KCND2: variants seen among roughly 807,000 people sequenced by gnomAD.
KCND2 encodes potassium voltage-gated channel subfamily D member 2.
KCND2 carries 16 observed loss-of-function variants against 54.4 expected under a neutral mutation model. That is an observed-to-expected ratio of 0.29 (90% CI 0.20 to 0.45). KCND2 has a LOEUF of 0.45. KCND2 is among the 20% of genes least tolerant of loss of function. The probability of loss-of-function intolerance (pLI) is 1.00; values close to 1 mark genes in which losing one functional copy is unlikely to be tolerated. For missense variants in KCND2, 486 were observed against 824.2 expected, an observed-to-expected ratio of 0.59 and a Z score of 5.02; for synonymous variants, 317 against 310.7, an observed-to-expected ratio of 1.02 and a Z score of -0.21.
intron 1 of KCND2, among the ~76,000 whole-genome samples, chr7:120,319,744 C>A (rs1175138964): frequency 6.6e-6 from 1 of 152,040 alleles, no homozygotes; most frequent in South Asian, 2.1e-4. Context: ...ACTAAAGATA[C>A]AATTTAATGT....
chr7:120,627,036 C>T (rs1166570409), intron 1 of KCND2, among the ~76,000 whole-genome samples: 2 of 152,154 alleles, frequency 1.3e-5, no homozygotes, highest in African/African-American at 2.4e-5. Context: ...CCCATTTGTG[C>T]ACAGTATGGT....
intron 1 of KCND2, among the ~76,000 whole-genome samples, chr7:120,581,252 C>T (rs573988849): frequency 5.9e-4 from 90 of 152,300 alleles, no homozygotes; most frequent in African/African-American, 1.9e-3. Flanking sequence ...GAATGTTCCT[C>T]TCTCTAAAAG....
intron 1 of KCND2, among the ~76,000 whole-genome samples, chr7:120,586,643 G>A (rs1033398317): frequency 3.3e-5 from 5 of 152,128 alleles, no homozygotes; most frequent in African/African-American, 1.2e-4. Context: ...CACTTTATTA[G>A]TGATTTGCAG....
chr7:120,561,660 G>A (rs1792235356), intron 1 of KCND2, among the ~76,000 whole-genome samples: 1 of 137,140 alleles, frequency 7.3e-6, no homozygotes, highest in Non-Finnish European at 1.5e-5. Context: ...TGCCCAGGCT[G>A]GAGTGAAATG....
At chr7:120,298,481 T>C (rs1203549277) in intron 1 of KCND2, among the ~76,000 whole-genome samples, 1 of 152,210 alleles carries the variant, frequency 6.6e-6, no homozygotes, top group African/African-American at 2.4e-5. Flanking sequence ...TGATTTTAAA[T>C]TGAATATCAG....
At chr7:120,426,651 G>A (rs144844502) in intron 1 of KCND2, among the ~76,000 whole-genome samples, 23 of 86,604 alleles carry the variant, frequency 2.7e-4, no homozygotes, top group Middle Eastern at 8.9e-3. Flanking sequence ...GTGCAGTGGC[G>A]CAATCTGTCG....
chr7:120,545,053 C>T (rs1584821679), intron 1 of KCND2, among the ~76,000 whole-genome samples: 1 of 151,978 alleles, frequency 6.6e-6, no homozygotes, highest in African/African-American at 2.4e-5. Context: ...TCTGTAAACT[C>T]CTTCACTCTC....
intron 1 of KCND2, among the ~76,000 whole-genome samples, chr7:120,295,671 C>T (rs1284032754): frequency 3.9e-5 from 6 of 151,924 alleles, no homozygotes; most frequent in African/African-American, 1.4e-4. Flanking sequence ...CCATAATATA[C>T]AAATACCTGT....
At position 120,629,464 on chromosome 7, in the gene KCND2, C is replaced by A. The variant is rs62469909; in HGVS notation, c.1116-103439C>A. On this transcript the variant is annotated intron_variant, in intron 1 of 5. Coordinates refer to ENST00000331113, the MANE Select transcript of KCND2 (RefSeq NM_012281.3). ...TGGTGCCACTGCACTCCATCCTGGG[C>A]GACAGAGCGAGACTCCGTCTCGGGG... Among the ~76,000 whole-genome samples, 511 of 150,758 alleles carry A rather than the reference C, an allele frequency of 3.4e-3. 1 individual carries two copies. Among genetic ancestry groups the A allele is most frequent in the Non-Finnish European group, 5.9e-3 (400 of 67,840 alleles).
chr7:120,660,317 T>G (rs1791850648), intron 1 of KCND2, among the ~76,000 whole-genome samples: 1 of 152,190 alleles, frequency 6.6e-6, no homozygotes, highest in African/African-American at 2.4e-5. Flanking sequence ...TTTTTAATTT[T>G]CAAAAGAGAA....
rs1249938800 is a variant in KCND2 at position 120,708,453 on chromosome 7, CAT to C, written c.1116-24449_1116-24448del. 2.6e-5 allele frequency among the ~76,000 whole-genome samples: 4 copies of C among 152,218 alleles called. No homozygotes were observed. In the South Asian group the frequency reaches 6.2e-4, roughly 24 times the overall value. Reference sequence around the variant, plus strand: ...AACTTTCTAGAAAAATATTTACACACATGTCTAATATGGATGGATGGTGAAGG... The same window carrying C: ...AACTTTCTAGAAAAATATTTACACACGTCTAATATGGATGGATGGTGAAGG... On this transcript the variant is annotated intron_variant, in intron 1 of 5. Coordinates refer to ENST00000331113, the MANE Select transcript of KCND2 (RefSeq NM_012281.3).
chr7:120,321,785 G>C (rs1361462412), intron 1 of KCND2, among the ~76,000 whole-genome samples: 2 of 151,934 alleles, frequency 1.3e-5, no homozygotes, highest in Non-Finnish European at 2.9e-5. Flanking sequence ...TCATGATTAA[G>C]TCTTTTATAA....
At position 120,722,559 on chromosome 7, in the gene KCND2, CA is replaced by C. The variant is rs1256906234; in HGVS notation, c.1116-10340del. 5.9e-5 allele frequency among the ~76,000 whole-genome samples: 9 copies of C among 152,170 alleles called. No homozygotes were observed. In the East Asian group the frequency reaches 1.7e-3, roughly 29 times the overall value. ...ACTTAAGGAGTAGATAAATAGGTGGCAAAATTATCAGGCCTTCTTTGGCAGA... is the reference window on the plus strand; with the variant it reads ...ACTTAAGGAGTAGATAAATAGGTGGCAAATTATCAGGCCTTCTTTGGCAGA... On this transcript the variant is annotated intron_variant, in intron 1 of 5. Coordinates refer to ENST00000331113, the MANE Select transcript of KCND2 (RefSeq NM_012281.3).
intron 1 of KCND2, among the ~76,000 whole-genome samples, chr7:120,636,142 C>T (rs774902374): frequency 3.0e-4 from 46 of 151,842 alleles, no homozygotes; most frequent in Non-Finnish European, 1.3e-4. Context: ...TATTTATTTC[C>T]TTATTCATTT....
intron 1 of KCND2, among the ~76,000 whole-genome samples, chr7:120,612,970 A>C (rs1451132887): frequency 6.6e-6 from 1 of 152,184 alleles, no homozygotes; most frequent in Non-Finnish European, 1.5e-5. Flanking sequence ...ATCCCAAATG[A>C]ACTGCTCATT....
intron 1 of KCND2, among the ~76,000 whole-genome samples, chr7:120,376,405 A>G (rs986328185): frequency 6.6e-6 from 1 of 151,452 alleles, no homozygotes; most frequent in Admixed American, 6.6e-5. Flanking sequence ...TAAAAACCTC[A>G]AATATGTTCA....
intron 1 of KCND2, among the ~76,000 whole-genome samples, chr7:120,495,081 T>G (rs1802831070): frequency 6.6e-6 from 1 of 152,212 alleles, no homozygotes; most frequent in South Asian, 2.1e-4. Flanking sequence ...ATAATAAACC[T>G]GGATGCTTTG....
At chr7:120,693,122 C>T (rs535608948) in intron 1 of KCND2, among the ~76,000 whole-genome samples, 176 of 152,218 alleles carry the variant, frequency 1.2e-3, no homozygotes, top group Middle Eastern at 6.8e-3. Context: ...TTTCAAAGTA[C>T]AGGAGTACCA....
intron 1 of KCND2, among the ~76,000 whole-genome samples, chr7:120,645,719 G>A (rs1327517195): frequency 6.6e-6 from 1 of 152,220 alleles, no homozygotes; most frequent in Non-Finnish European, 1.5e-5. Flanking sequence ...CTGGACACGT[G>A]ACAAGTGGCA....
Sources: allele counts gnomAD v4.1 joint callset (sites outside exome capture counted in the v4.1 genomes callset), GRCh38; gene constraint gnomAD v4.1.1; transcripts MANE v1.5; gene names NCBI Gene and HGNC (gene_info 2026-07-23, HGNC 2026-07-21).